The following CCDC88B variants were observed in gnomAD, a reference collection of about 807,000 sequenced individuals.
The protein encoded by CCDC88B is coiled-coil domain-containing protein 88B.
A neutral mutation model predicts 183.7 loss-of-function variants in CCDC88B; 138 were observed. The observed-to-expected ratio is 0.75, with a 90% CI of 0.65 to 0.87. The LOEUF (loss-of-function observed/expected upper bound fraction) is 0.87, where lower values mean the gene tolerates loss of function less well. CCDC88B is among the 40% of genes least tolerant of loss of function. The pLI, the probability that CCDC88B is intolerant of heterozygous loss-of-function variation, is 0.00. For missense variants in CCDC88B, 1,822 were observed against 1,965.6 expected (o/e 0.93, Z 1.38); for synonymous variants, 835 against 867.5 (o/e 0.96, Z 0.66).
Position 64,355,739 on chromosome 11 carries a change from G to A in CCDC88B, c.4375+111G>A, listed in dbSNP as rs371170759. ...ACAATGATCCTTTACCAAGTGCCAG[G>A]TGACGTGCTGGCAGGGGACACAGCA... On this transcript the variant is annotated intron_variant, in intron 26 of 26. Coordinates refer to ENST00000356786, the MANE Select transcript of CCDC88B (RefSeq NM_032251.6). 3.4e-5 allele frequency: 36 copies of A among 1,055,592 alleles called. No homozygotes were observed. The African/African-American group carries it at 3.9e-4, about 11-fold the overall frequency. 65.4% of individuals were successfully genotyped at this position (1,055,592 alleles called of 1,614,324 possible).
Position 64,351,469 on chromosome 11 carries a change from TG to T in CCDC88B, c.2959-4del. 1 of 1,584,746 alleles carries T rather than the reference TG, an allele frequency of 6.3e-7. No homozygotes were observed. Among genetic ancestry groups the T allele is most frequent in the South Asian group, 1.1e-5 (1 of 88,274 alleles). ...CCTGGCTATTGCTAACCCCCACTTC[TG>T]GGCAGAATGCGATGCTGGTGGCAGA... is the stretch of plus-strand genomic sequence containing the variant. On this transcript the variant is annotated splice_region_variant and splice_polypyrimidine_tract_variant and intron_variant, in intron 17 of 26. Transcript: ENST00000356786.
At chr11:64,347,337 C>T (rs578386) in intron 14 of CCDC88B, among the ~76,000 whole-genome samples, 97,480 of 152,068 alleles carry the variant, frequency 0.64, 32,058 homozygotes, top group East Asian at 0.85. Flanking sequence ...TGAAAAGGCG[C>T]GAGGAAGGGT....
Position 64,351,264 on chromosome 11 carries a change from G to A in CCDC88B, c.2958+9G>A. On this transcript the variant is annotated intron_variant, in intron 17 of 26. Transcript: ENST00000356786. The stretch of plus-strand genomic sequence containing the variant: ...TTGAGGTGGAGCGCAGTGTGAGTGT[G>A]GGCCCACAGTGGGCCCTGGGGAGGT... The A allele has an allele frequency of 6.6e-7, 1 of 1,514,330 alleles. No individual in the cohort carries two copies. The highest frequency in any genetic ancestry group is 8.8e-7 in the Non-Finnish European group (1 of 1,131,312). The allele number at this position is 1,514,330 out of a possible 1,614,324, so 93.8% of individuals were successfully genotyped here.
intron 14 of CCDC88B, among the ~76,000 whole-genome samples, chr11:64,346,113 G>T (rs776165967): frequency 2.6e-5 from 4 of 152,216 alleles, no homozygotes; most frequent in Non-Finnish European, 4.4e-5. Flanking sequence ...CCCTCCCCAG[G>T]CAGGGAAAGC....
chr11:64,352,686 C>A, intron 19 of CCDC88B, 58 bp from the exon 20 acceptor site: 1 of 1,610,394 alleles, frequency 6.2e-7, no homozygotes, highest in South Asian at 1.1e-5. Context: ...ATAGTCCAGC[C>A]AGCTGCTTGT....
At chr11:64,355,691 T>A (rs2036527459) in intron 26 of CCDC88B, 63 bp downstream of exon 26, 4 of 1,413,758 alleles carry the variant, frequency 2.8e-6, no homozygotes, top group Non-Finnish European at 3.8e-6. Context: ...TGGCAGAACC[T>A]CATTCATCCA....
rs2036329712 is a variant in CCDC88B at position 64,351,486 on chromosome 11, T to C, written c.2969T>C (p.Leu990Pro). ...CCCACTTCTGGGCAGAATGCGATGC[T>C]GGTGGCAGAGAAGGCAGCTTTGCAG... ...LIEVERSNAM[L>P]VAEKAALQGQ... is the part of the protein sequence containing the mutation. Residue 990 changes from leucine (L) to proline (P), a missense_variant, in exon 18 of 27, where the codon CTG becomes CCG. Physicochemically the swap from Leu to Pro is moderately conservative, Grantham distance 98. Transcript: ENST00000356786. 6.3e-7 allele frequency: 1 copy of C among 1,588,378 alleles called. No homozygotes were observed. The highest frequency in any genetic ancestry group is 1.1e-5 in the South Asian group (1 of 88,838).
At position 64,344,161 on chromosome 11, in the gene CCDC88B, G is replaced by T; in HGVS notation, c.1620G>T (p.Val540=). 5 of 1,613,184 alleles carry T rather than the reference G, an allele frequency of 3.1e-6. No individual in the cohort carries two copies. The highest frequency in any genetic ancestry group is 4.2e-6 in the Non-Finnish European group (5 of 1,179,792). Residue 540 remains valine, a synonymous_variant, in exon 14 of 27, where the codon GTG becomes GTT. Transcript: ENST00000356786. The surrounding 1 kb of genome is among the most constrained non-coding windows in gnomAD (Gnocchi z 4.5). Reference sequence around the variant, plus strand: ...TGGCTCCCCCGGCATTAGACTCAGTGCTCGAGGCATCAGCTGAGTGTCCCC... The same window carrying T: ...TGGCTCCCCCGGCATTAGACTCAGTTCTCGAGGCATCAGCTGAGTGTCCCC... ...LDLAPPALDS[V]LEASAECPQA... is the part of the protein sequence containing the mutation.
Position 64,343,271 on chromosome 11 carries a change from C to A in CCDC88B, c.1155C>A (p.His385Gln). The A allele has an allele frequency of 6.5e-7, 1 of 1,549,570 alleles. No homozygotes were observed. Among genetic ancestry groups the A allele is most frequent in the Non-Finnish European group, 8.7e-7 (1 of 1,146,772 alleles). The change falls in exon 11 of 27, where the codon CAC (histidine) becomes CAA (glutamine). Residue 385 changes from histidine to glutamine, a missense_variant. Transcript: ENST00000356786. Reference protein sequence around the residue: ...EAARERCARLHETQRENLLLR... With the variant: ...EAARERCARLQETQRENLLLR... ...CCCGAGAGCGCTGCGCCCGGCTGCA[C>A]GAGACCCAGCGCGAGAACCTGCTGC...
In CCDC88B at chr11:64,342,533, G is replaced by C. The variant is rs1306186294; in HGVS notation, c.915G>C (p.Leu305=). The change falls in exon 10 of 27, where the codon CTG becomes CTC. Residue 305 remains leucine (L), a synonymous_variant. Coordinates refer to ENST00000356786, the MANE Select transcript of CCDC88B (RefSeq NM_032251.6). The part of the protein sequence containing the change: ...IRRLRQEAQA[L]SGQAKRAELY... ...ACCGTCTGGCCCAGGCCCAGGCGCT[G>C]TCGGGACAGGCCAAGCGGGCCGAGC... The C allele has an allele frequency of 5.2e-6, 8 of 1,529,738 alleles. No homozygotes were observed. The East Asian group carries it at 2.0e-4, about 37-fold the overall frequency. 94.8% of individuals were successfully genotyped at this position (1,529,738 alleles called of 1,614,324 possible). A position where few individuals can be genotyped will look rare whatever the true frequency, so the allele number is the denominator to read the frequency against.
chr11:64,344,433 A>C lies in CCDC88B; in HGVS notation c.1892A>C (p.Gln631Pro), dbSNP rs779633291. ...GGETEGREAP[Q>P]GELVPEAWGL... Reference sequence around the variant, plus strand: ...GAGACAGAGGGAAGAGAGGCTCCCCAAGGCGAGTTGGTGCCTGAGGCCTGG... The same window carrying C: ...GAGACAGAGGGAAGAGAGGCTCCCCCAGGCGAGTTGGTGCCTGAGGCCTGG... Residue 631 changes from glutamine (Q) to proline (P), a missense_variant, in exon 14 of 27, where the codon CAA becomes CCA. Coordinates refer to ENST00000356786, the MANE Select transcript of CCDC88B (RefSeq NM_032251.6). The surrounding 1 kb of genome is among the most constrained non-coding windows in gnomAD (Gnocchi z 4.5). 14 of 1,591,624 alleles carry C rather than the reference A, an allele frequency of 8.8e-6. No individual in the cohort carries two copies. In the South Asian group the frequency reaches 1.5e-4, roughly 17 times the overall value.
Position 64,343,591 on chromosome 11 carries a change from C to T in CCDC88B, c.1294C>T (p.Pro432Ser), listed in dbSNP as rs951916586. The T allele has an allele frequency of 3.2e-6, 5 of 1,551,528 alleles. 1 individual carries two copies. The highest frequency in any genetic ancestry group is 4.4e-6 in the Non-Finnish European group (5 of 1,147,008). ...LELELQRSLE[P>S]PPGSPGEAPL... ...GCTGGAGCTTCAGCGGAGCTTGGAG[C>T]CACCTCCAGGATCCCCTGGGGAGGG... Residue 432 changes from proline to serine, a missense_variant, in exon 12 of 27, where the codon CCA becomes TCA. By Grantham distance (74) the Pro-to-Ser change is moderately conservative (BLOSUM62 -1). Coordinates refer to ENST00000356786, the MANE Select transcript of CCDC88B (RefSeq NM_032251.6).
intron 22 of CCDC88B, 109 bp downstream of exon 22, chr11:64,353,605 C>G: frequency 6.3e-7 from 1 of 1,575,708 alleles, no homozygotes; most frequent in Non-Finnish European, 8.6e-7. Context: ...CCTTCCAGGT[C>G]AGTCCAATCT....
chr11:64,345,124 G>T lies in CCDC88B; in HGVS notation c.2583G>T (p.Glu861Asp). The T allele has an allele frequency of 6.5e-7, 1 of 1,549,006 alleles. No individual in the cohort carries two copies. The stretch of plus-strand genomic sequence containing the variant: ...GCCGCCAGCACTTGGAGGAGGCTGA[G>T]AGGGAGCGCCGGGAGAAGGAGGCCC... ...SEGRQHLEEA[E>D]RERREKEALQ... Residue 861 changes from glutamate to aspartate, a missense_variant, in exon 14 of 27, where the codon GAG becomes GAT. By Grantham distance (45) the Glu-to-Asp change is conservative (BLOSUM62 2). Transcript: ENST00000356786.
intron 16 of CCDC88B, 91 bp downstream of exon 16, chr11:64,349,759 G>T (rs926117234): frequency 8.8e-6 from 11 of 1,244,962 alleles, no homozygotes; most frequent in Non-Finnish European, 1.3e-5. Context: ...TCCTAGTCTT[G>T]CCTCTGGATT....
intron 25 of CCDC88B, 25 bp from the exon 26 acceptor site, chr11:64,355,535 C>G: frequency 6.2e-7 from 1 of 1,612,490 alleles, no homozygotes; most frequent in Middle Eastern, 1.7e-4. Flanking sequence ...GGCCCTGGGC[C>G]CAGTGGTTGC....
chr11:64,343,292 G>C lies in CCDC88B; in HGVS notation c.1176G>C (p.Leu392=), dbSNP rs2035961990. The C allele has an allele frequency of 6.5e-7, 1 of 1,550,140 alleles. No individual in the cohort carries two copies. The highest frequency in any genetic ancestry group is 2.0e-5 in the Admixed American group (1 of 50,986). Residue 392 remains leucine, a synonymous_variant, in exon 11 of 27, where the codon CTG becomes CTC. Coordinates refer to ENST00000356786, the MANE Select transcript of CCDC88B (RefSeq NM_032251.6). ...TGCACGAGACCCAGCGCGAGAACCT[G>C]CTGCTGCGAACCCGGCTGGGCGAGG... ...ARLHETQREN[L]LLRTRLGEAH...
intron 18 of CCDC88B, among the ~76,000 whole-genome samples, chr11:64,351,926 C>T (rs1039270195): frequency 1.2e-4 from 18 of 152,306 alleles, no homozygotes; most frequent in Non-Finnish European, 2.2e-4. Flanking sequence ...CAGCCTGGCC[C>T]AGCCAGCCTC....
chr11:64,343,425 G>A, intron 11 of CCDC88B, 82 bp from the exon 12 acceptor site: 1 of 1,537,796 alleles, frequency 6.5e-7, no homozygotes. Flanking sequence ...TCTGCTCTTG[G>A]TGACCTCTAG....
Sources: allele counts gnomAD v4.1 joint callset (sites outside exome capture counted in the v4.1 genomes callset), GRCh38; gene constraint gnomAD v4.1.1; non-coding constraint Gnocchi (gnomAD v3.1); transcripts MANE v1.5; gene names NCBI Gene and HGNC (gene_info 2026-07-23, HGNC 2026-07-21).